Variants in ATP8A2 observed in about 807,000 individuals in gnomAD.
The protein encoded by ATP8A2 is phospholipid-transporting ATPase IB.
ATP8A2 carries 100 observed loss-of-function variants against 165.6 expected under a neutral mutation model. The observed-to-expected ratio is 0.60, with a 90% confidence interval of 0.51 to 0.71. ATP8A2 has a LOEUF of 0.71. ATP8A2 is among the 30% of genes least tolerant of loss of function. The probability of loss-of-function intolerance (pLI) is 0.00; values close to 1 mark genes in which losing one functional copy is unlikely to be tolerated. For synonymous variants in ATP8A2, 543 were observed against 548.8 expected, an observed-to-expected ratio of 0.99 and a Z score of 0.15; for missense variants, 1,227 against 1,479.5, an observed-to-expected ratio of 0.83 and a Z score of 2.80.
intron 27 of ATP8A2, among the ~76,000 whole-genome samples, chr13:25,795,620 A>G (rs1950484909): frequency 6.6e-6 from 1 of 152,336 alleles, no homozygotes; most frequent in East Asian, 1.9e-4. Context: ...TCTTTGGGTT[A>G]TAGTCAACCT....
intron 6 of ATP8A2, among the ~76,000 whole-genome samples, chr13:25,535,874 A>G (rs1218946571): frequency 6.6e-6 from 1 of 151,922 alleles, no homozygotes. Context: ...CAAGTAAGTC[A>G]TTTCTTATGT....
chr13:25,941,218 C>T (rs1345386420), intron 33 of ATP8A2, among the ~76,000 whole-genome samples: 1 of 152,152 alleles, frequency 6.6e-6, no homozygotes, highest in Admixed American at 6.5e-5. Flanking sequence ...TTGTCCCCTC[C>T]ACTACTTCAG....
chr13:25,551,530 C>T (rs2038824637), intron 11 of ATP8A2, 27 bp downstream of exon 11: 1 of 1,577,896 alleles, frequency 6.3e-7, no homozygotes, highest in Non-Finnish European at 8.7e-7. Flanking sequence ...GTTGCTTGTT[C>T]CAGTGGAAGA....
intron 33 of ATP8A2, chr13:25,863,220 C>A (rs1172240492): frequency 1.3e-5 from 2 of 152,524 alleles, no homozygotes; most frequent in African/African-American, 4.8e-5. Flanking sequence ...CTGCTCTGGC[C>A]TTCTGTGGCT....
At chr13:25,696,064 G>C (rs1309779159) in intron 24 of ATP8A2, among the ~76,000 whole-genome samples, 2 of 152,180 alleles carry the variant, frequency 1.3e-5, no homozygotes, top group African/African-American at 4.8e-5. Context: ...ATGGATATTA[G>C]ATAAACATGC....
intron 24 of ATP8A2, among the ~76,000 whole-genome samples, chr13:25,671,922 G>A (rs781248300): frequency 6.6e-6 from 1 of 152,136 alleles, no homozygotes; most frequent in African/African-American, 2.4e-5. Context: ...AGCTTGTGGG[G>A]TATCACGGGA....
chr13:25,839,660 C>T (rs760227828), intron 30 of ATP8A2, 36 bp downstream of exon 30: 4 of 1,555,840 alleles, frequency 2.6e-6, no homozygotes, highest in Non-Finnish European at 3.5e-6. Flanking sequence ...CAGCAAGGAG[C>T]TTTGCAGCCG....
At chr13:25,782,589 A>C (rs996339771) in intron 27 of ATP8A2, among the ~76,000 whole-genome samples, 8 of 152,306 alleles carry the variant, frequency 5.3e-5, no homozygotes, top group Admixed American at 2.6e-4. Flanking sequence ...AAATTTGTGG[A>C]TACTCAAGTC....
At position 25,577,114 on chromosome 13, in the gene ATP8A2, A is replaced by C. The variant is rs200415100; in HGVS notation, c.1758A>C (p.Arg586=). 6.2e-7 allele frequency: 1 copy of C among 1,613,866 alleles called. No individual in the cohort carries two copies. Among genetic ancestry groups the C allele is most frequent in the Non-Finnish European group, 8.5e-7 (1 of 1,179,926 alleles). Residue 586 remains arginine, a synonymous_variant, in exon 20 of 37, where the codon CGA becomes CGC. Coordinates refer to ENST00000381655, the MANE Select transcript of ATP8A2 (RefSeq NM_016529.6). Reference sequence around the variant, plus strand: ...TAATTGTTCGAACTCCTTCAGGACGACTTCGGCTTTACTGTAAAGGGGCTG... The same window carrying C: ...TAATTGTTCGAACTCCTTCAGGACGCCTTCGGCTTTACTGTAAAGGGGCTG... The part of the protein sequence containing the change: ...MSVIVRTPSG[R]LRLYCKGADN...
At chr13:25,628,951 T>C (rs2041170663) in intron 24 of ATP8A2, among the ~76,000 whole-genome samples, 1 of 152,136 alleles carries the variant, frequency 6.6e-6, no homozygotes, top group South Asian at 2.1e-4. Context: ...GAACATCACA[T>C]CACCAGCATC....
At chr13:25,593,840 C>T (rs2040161156) in intron 24 of ATP8A2, among the ~76,000 whole-genome samples, 1 of 152,178 alleles carries the variant, frequency 6.6e-6, no homozygotes, top group South Asian at 2.1e-4. Flanking sequence ...ATGACTCTCA[C>T]AGATGCTGAC....
chr13:25,910,716 T>A (rs1332752650), intron 33 of ATP8A2, among the ~76,000 whole-genome samples: 1 of 152,148 alleles, frequency 6.6e-6, no homozygotes, highest in Non-Finnish European at 1.5e-5. Context: ...GCTCACAAGG[T>A]TGAATGAAGA....
At chr13:25,491,144 C>G (rs1170892913) in intron 2 of ATP8A2, among the ~76,000 whole-genome samples, 1 of 150,980 alleles carries the variant, frequency 6.6e-6, no homozygotes, top group Admixed American at 6.6e-5. Flanking sequence ...TTTACTTTTT[C>G]TTTTTTTTTG....
Position 25,567,510 on chromosome 13 carries a change from C to T in ATP8A2, c.1474-3257C>T, listed in dbSNP as rs2039350747. 1.3e-5 allele frequency among the ~76,000 whole-genome samples: 2 copies of T among 152,068 alleles called. 1 individual carries two copies. Among genetic ancestry groups the T allele is most frequent in the Non-Finnish European group, 2.9e-5 (2 of 68,012 alleles). ...ATTGAGAGTAGGGACAGGTGCAACC[C>T]CTGTGAAAAGGAAGCCCTGCTGTGG... On this transcript the variant is annotated intron_variant, in intron 16 of 36. Transcript: ENST00000381655.
chr13:25,708,772 A>G (rs1327787096), intron 25 of ATP8A2, among the ~76,000 whole-genome samples: 1 of 152,250 alleles, frequency 6.6e-6, no homozygotes, highest in African/African-American at 2.4e-5. Flanking sequence ...GAGAGGAAAC[A>G]AATGACAAAG....
Position 26,021,153 on chromosome 13 carries a change from T to C in ATP8A2, c.*1168T>C, listed in dbSNP as rs2139385040. 6.6e-6 allele frequency: 1 copy of C among 152,038 alleles called. No homozygotes were observed. The allele number at this position is 152,038 out of a possible 1,614,324, so 9.4% of individuals were successfully genotyped here. Reference sequence around the variant, plus strand: ...GGATGAGTAAACCCAGATGCAAGAGTATAGGACATTGAGTGGGGAGAACAA... The same window carrying C: ...GGATGAGTAAACCCAGATGCAAGAGCATAGGACATTGAGTGGGGAGAACAA... On this transcript the variant is annotated 3_prime_UTR_variant, in exon 37 of 37. Transcript: ENST00000381655.
At chr13:25,402,064 C>A (rs1157568951) in intron 1 of ATP8A2, among the ~76,000 whole-genome samples, 1 of 152,006 alleles carries the variant, frequency 6.6e-6, no homozygotes, top group Non-Finnish European at 1.5e-5. Flanking sequence ...AATCCTAGCA[C>A]TGTGATACCA....
At chr13:25,578,501 CTT>C (rs2039681736) in intron 20 of ATP8A2, among the ~76,000 whole-genome samples, 1 of 152,184 alleles carries the variant, frequency 6.6e-6, no homozygotes, top group Admixed American at 6.5e-5. Context: ...GCCTGATAAA[CTT>C]TGGGATATGA....
At chr13:25,707,948 C>T (rs541504387) in intron 25 of ATP8A2, among the ~76,000 whole-genome samples, 36 of 152,168 alleles carry the variant, frequency 2.4e-4, no homozygotes, top group Admixed American at 3.9e-4. Context: ...ATCTCCCATC[C>T]ATCCGCTCTG....
Sources: gnomAD v4.1 joint callset for allele counts (sites outside exome capture counted in the v4.1 genomes callset) on GRCh38, gnomAD v4.1.1 for gene constraint, MANE v1.5 for transcripts, NCBI Gene and HGNC (gene_info 2026-07-23, HGNC 2026-07-21) for gene names.